Variants in FRMD5 observed in about 807,000 individuals in gnomAD.
FRMD5 encodes FERM domain containing 5.
A neutral mutation model predicts 69.0 loss-of-function variants in FRMD5; 20 were observed. That is an observed-to-expected ratio of 0.29 (90% CI 0.20 to 0.42). FRMD5 has a LOEUF of 0.42. FRMD5 is among the 10% of genes least tolerant of loss of function. The pLI is 1.00. For synonymous variants in FRMD5, 271 were observed against 260.1 expected (o/e 1.04, Z -0.40); for missense variants, 595 against 708.6 (o/e 0.84, Z 1.82).
At chr15:43,974,198 A>G (rs1486678083) in intron 1 of FRMD5, among the ~76,000 whole-genome samples, 1 of 152,036 alleles carries the variant, frequency 6.6e-6, no homozygotes, top group Admixed American at 6.6e-5. Flanking sequence ...AAGGAAGAAA[A>G]CTTTCCCATG....
At chr15:43,907,667 C>T (rs946048990) in intron 5 of FRMD5, among the ~76,000 whole-genome samples, 2 of 152,144 alleles carry the variant, frequency 1.3e-5, no homozygotes, top group Non-Finnish European at 2.9e-5. Flanking sequence ...GCCACCACGC[C>T]CAGCTAATTT....
At chr15:44,003,596 T>C (rs917694509) in intron 1 of FRMD5, among the ~76,000 whole-genome samples, 3 of 152,180 alleles carry the variant, frequency 2.0e-5, no homozygotes, top group Non-Finnish European at 4.4e-5. Context: ...TCTACAGCTA[T>C]AATCTTATTT....
chr15:44,058,829 T>C (rs554386979), intron 1 of FRMD5, among the ~76,000 whole-genome samples: 4 of 152,040 alleles, frequency 2.6e-5, no homozygotes, highest in Non-Finnish European at 5.9e-5. Flanking sequence ...GGGGCTGTTT[T>C]ATTGTGGGGA....
At chr15:44,000,459 A>ATTTTTTTTTTTTTTTTTTTT (rs758023840) in intron 1 of FRMD5, among the ~76,000 whole-genome samples, 1 of 138,476 alleles carries the variant, frequency 7.2e-6, no homozygotes, top group Non-Finnish European at 1.6e-5. Flanking sequence ...TGGTAGTTCT[A>ATTTTTTTTTTTTTTTTTTTT]TTTTTTTTTT....
At chr15:44,102,035 C>T (rs2076648611) in intron 1 of FRMD5, among the ~76,000 whole-genome samples, 1 of 152,224 alleles carries the variant, frequency 6.6e-6, no homozygotes, top group Non-Finnish European at 1.5e-5. Flanking sequence ...CCGTATCACA[C>T]TCAATGGCAG....
chr15:44,040,191 T>C (rs1416105450), intron 1 of FRMD5, among the ~76,000 whole-genome samples: 4 of 152,010 alleles, frequency 2.6e-5, no homozygotes, highest in Admixed American at 6.6e-5. Context: ...CTACATTTGA[T>C]TGGTGTACCT....
At chr15:44,024,889 G>T (rs906211383) in intron 1 of FRMD5, among the ~76,000 whole-genome samples, 2 of 152,162 alleles carry the variant, frequency 1.3e-5, no homozygotes, top group African/African-American at 2.4e-5. Context: ...TCCTCCATTT[G>T]CCCTCAACCT....
intron 10 of FRMD5, among the ~76,000 whole-genome samples, 194 bp downstream of exon 10, chr15:43,887,981 C>A (rs1186355038): frequency 6.6e-6 from 1 of 152,198 alleles, no homozygotes; most frequent in African/African-American, 2.4e-5. Context: ...CACAAAAGCC[C>A]CACATTCTTT....
At chr15:43,993,767 T>C (rs1889796176) in intron 1 of FRMD5, among the ~76,000 whole-genome samples, 1 of 152,228 alleles carries the variant, frequency 6.6e-6, no homozygotes, top group Admixed American at 6.5e-5. Context: ...TGCTCCAGTG[T>C]TGGTGCATCT....
intron 1 of FRMD5, among the ~76,000 whole-genome samples, chr15:44,005,068 C>A (rs1280020117): frequency 6.6e-6 from 1 of 152,210 alleles, no homozygotes; most frequent in Non-Finnish European, 1.5e-5. Flanking sequence ...CCTCTCAATT[C>A]TGTGAAGGCT....
At chr15:43,956,829 T>C (rs2090123211) in intron 1 of FRMD5, among the ~76,000 whole-genome samples, 1 of 152,234 alleles carries the variant, frequency 6.6e-6, no homozygotes. Context: ...TGTTCATTGA[T>C]AGCTGGCCAT....
chr15:43,993,016 T>C (rs1293982542), intron 1 of FRMD5, among the ~76,000 whole-genome samples: 1 of 152,216 alleles, frequency 6.6e-6, no homozygotes, highest in Admixed American at 6.5e-5. Flanking sequence ...GACCTATTTG[T>C]TGTTTAGAAG....
At chr15:43,885,960 C>G (rs1282040229) in intron 10 of FRMD5, among the ~76,000 whole-genome samples, 1 of 152,206 alleles carries the variant, frequency 6.6e-6, no homozygotes, top group Non-Finnish European at 1.5e-5. Context: ...CCAGGACTGT[C>G]AACATGGAAA....
chr15:44,153,355 A>G (rs2077476487), intron 1 of FRMD5, among the ~76,000 whole-genome samples: 2 of 152,256 alleles, frequency 1.3e-5, no homozygotes, highest in Non-Finnish European at 2.9e-5. Flanking sequence ...AAAATGTGGT[A>G]TATACATATA....
At chr15:44,049,922 CT>C (rs1892584295) in intron 1 of FRMD5, among the ~76,000 whole-genome samples, 2 of 152,156 alleles carry the variant, frequency 1.3e-5, no homozygotes, top group Admixed American at 1.3e-4. Flanking sequence ...TAACCCTCTA[CT>C]TTATGATTTA....
At position 43,999,953 on chromosome 15, in the gene FRMD5, C is replaced by CATATAT. The variant is rs34872140; in HGVS notation, c.103-75650_103-75645dup. The stretch of plus-strand genomic sequence containing the variant: ...TATATATATATATATATATGCCATG[C>CATATAT]ATATATATATATATATATATATATA... On this transcript the variant is annotated intron_variant, in intron 1 of 13. Transcript: ENST00000417257. Among the ~76,000 whole-genome samples, 224 of 82,818 alleles carry CATATAT rather than the reference C, an allele frequency of 2.7e-3. 1 individual carries two copies. The highest frequency in any genetic ancestry group is 8.9e-3 in the African/African-American group (138 of 15,578). The allele number at this position is 82,818 out of a possible 152,430, so 54.3% of individuals were successfully genotyped here.
At chr15:43,886,065 T>C (rs1405832577) in intron 10 of FRMD5, among the ~76,000 whole-genome samples, 8 of 152,214 alleles carry the variant, frequency 5.3e-5, no homozygotes. Flanking sequence ...TGGATGGTCT[T>C]GGGGAATAAT....
At chr15:44,047,849 C>T (rs537197323) in intron 1 of FRMD5, among the ~76,000 whole-genome samples, 7 of 152,260 alleles carry the variant, frequency 4.6e-5, no homozygotes, top group Non-Finnish European at 7.4e-5. Context: ...TTTACCATAA[C>T]TTTTTCAAGC....
intron 7 of FRMD5, among the ~76,000 whole-genome samples, chr15:43,894,108 T>C (rs982798545): frequency 6.6e-6 from 1 of 152,202 alleles, no homozygotes; most frequent in Non-Finnish European, 1.5e-5. Context: ...CTCCTGCTTA[T>C]AATCAGTGCC....
Sources: gnomAD v4.1 joint callset for allele counts (sites outside exome capture counted in the v4.1 genomes callset) on GRCh38, gnomAD v4.1.1 for gene constraint, MANE v1.5 for transcripts, NCBI Gene and HGNC (gene_info 2026-07-23, HGNC 2026-07-21) for gene names.